The following TRPC7 variants were observed in gnomAD, a reference collection of about 807,000 sequenced individuals.
TRPC7 encodes the protein transient receptor potential cation channel subfamily C member 7.
In TRPC7, 42 loss-of-function variants were observed where a neutral mutation model predicts 90.1. The observed-to-expected ratio is 0.47, with a 90% CI of 0.36 to 0.60. The LOEUF (loss-of-function observed/expected upper bound fraction) is 0.60, where lower values mean the gene tolerates loss of function less well. Among genes scored for constraint, TRPC7 ranks in the 20% least tolerant of loss-of-function variants. The pLI is 0.00. For missense variants in TRPC7, 955 were observed against 1,112.3 expected, an observed-to-expected ratio of 0.86 and a Z score of 2.01; for synonymous variants, 451 against 436.3, an observed-to-expected ratio of 1.03 and a Z score of -0.42.
At chr5:136,315,507 G>T in intron 3 of TRPC7, 90 bp downstream of exon 3, 1 of 1,397,808 alleles carries the variant, frequency 7.2e-7, no homozygotes, top group Non-Finnish European at 9.8e-7. Context: ...CACCCTGTGG[G>T]AACATAAAAT....
At chr5:136,342,432 G>A (rs1759873216) in intron 2 of TRPC7, among the ~76,000 whole-genome samples, 1 of 152,172 alleles carries the variant, frequency 6.6e-6, no homozygotes, top group Non-Finnish European at 1.5e-5. Context: ...GATCTTCACT[G>A]ACCCCTGAGA....
intron 4 of TRPC7, 31 bp downstream of exon 4, chr5:136,274,642 G>A (rs773557709): frequency 9.7e-6 from 15 of 1,552,192 alleles, no homozygotes; most frequent in Admixed American, 8.0e-5. Context: ...AGAAATAACC[G>A]CAAACGACAT....
chr5:136,308,813 G>T (rs750647911), intron 3 of TRPC7, among the ~76,000 whole-genome samples: 3 of 152,204 alleles, frequency 2.0e-5, no homozygotes, highest in Admixed American at 6.5e-5. Flanking sequence ...CCAGCAGACT[G>T]AGAAACTTAT....
At chr5:136,274,903 C>G in intron 3 of TRPC7, 66 bp from the exon 4 acceptor site, 1 of 1,503,932 alleles carries the variant, frequency 6.6e-7, no homozygotes, top group Admixed American at 2.1e-5. Flanking sequence ...AGCACTTGAA[C>G]AGTATACAAC....
At chr5:136,297,689 C>G (rs1758229713) in intron 3 of TRPC7, among the ~76,000 whole-genome samples, 1 of 151,926 alleles carries the variant, frequency 6.6e-6, no homozygotes, top group South Asian at 2.1e-4. Flanking sequence ...ATGTAAATGA[C>G]TTCTTTTTAG....
intron 3 of TRPC7, among the ~76,000 whole-genome samples, chr5:136,295,572 C>T (rs1017100215): frequency 1.3e-5 from 2 of 152,130 alleles, no homozygotes; most frequent in African/African-American, 4.8e-5. Context: ...CACTGTGGCC[C>T]AGGCCTCCTC....
At chr5:136,300,689 G>T (rs1388649472) in intron 3 of TRPC7, among the ~76,000 whole-genome samples, 1 of 152,214 alleles carries the variant, frequency 6.6e-6, no homozygotes, top group Non-Finnish European at 1.5e-5. Context: ...GAAGGACATG[G>T]AGATGATAGC....
At chr5:136,355,769 G>T (rs1002725616) in intron 2 of TRPC7, among the ~76,000 whole-genome samples, 4 of 152,176 alleles carry the variant, frequency 2.6e-5, no homozygotes, top group Admixed American at 6.5e-5. Flanking sequence ...CTGCACTCTA[G>T]CCTGGGTGAC....
At chr5:136,297,659 T>A (rs1306064332) in intron 3 of TRPC7, among the ~76,000 whole-genome samples, 1 of 152,176 alleles carries the variant, frequency 6.6e-6, no homozygotes, top group Non-Finnish European at 1.5e-5. Flanking sequence ...AATAATTTTA[T>A]TAATTAAACT....
chr5:136,253,333 G>A (rs908089330), intron 5 of TRPC7, among the ~76,000 whole-genome samples: 4 of 151,590 alleles, frequency 2.6e-5, no homozygotes, highest in African/African-American at 9.7e-5. Context: ...TTAAATTACC[G>A]GCATACCTTG....
chr5:136,307,015 A>G (rs1846575), intron 3 of TRPC7, among the ~76,000 whole-genome samples: 105,175 of 152,086 alleles, frequency 0.69, 36,711 homozygotes, highest in African/African-American at 0.78. Flanking sequence ...TCACACGGAC[A>G]TGCATGAAAA....
At chr5:136,234,037 C>T (rs763306903) in intron 7 of TRPC7, among the ~76,000 whole-genome samples, 13 of 152,194 alleles carry the variant, frequency 8.5e-5, no homozygotes, top group Non-Finnish European at 1.8e-4. Context: ...ACCTGACCCC[C>T]GCAGCTCAGG....
At chr5:136,347,006 C>T (rs907189377) in intron 2 of TRPC7, among the ~76,000 whole-genome samples, 1 of 152,208 alleles carries the variant, frequency 6.6e-6, no homozygotes, top group Non-Finnish European at 1.5e-5. Context: ...TAGAAACACA[C>T]AGCAAGAATC....
chr5:136,218,497 A>G (rs1316210611), intron 10 of TRPC7, among the ~76,000 whole-genome samples: 4 of 152,196 alleles, frequency 2.6e-5, no homozygotes, highest in East Asian at 3.8e-4. Flanking sequence ...TCTGGATCCA[A>G]CAATTAAAGA....
intron 2 of TRPC7, among the ~76,000 whole-genome samples, chr5:136,352,469 TA>T (rs750879245): frequency 2.0e-5 from 3 of 151,992 alleles, no homozygotes; most frequent in Non-Finnish European, 2.9e-5. Flanking sequence ...AATTTTATCA[TA>T]AAGATGATCA....
chr5:136,334,821 A>G lies in TRPC7; in HGVS notation c.781-19042T>C, dbSNP rs573958411. On this transcript the variant is annotated intron_variant, in intron 2 of 11. Coordinates refer to ENST00000513104, the MANE Select transcript of TRPC7 (RefSeq NM_020389.3). ...TTATAAGGAAGCTGAGGAACAAGTA[A>G]GTGCTAGCATGTGGCTACCAGGGAA... 2.0e-5 allele frequency among the ~76,000 whole-genome samples: 3 copies of G among 152,342 alleles called. No homozygotes were observed. The South Asian group carries it at 6.2e-4, about 32-fold the overall frequency.
Position 136,214,416 on chromosome 5 carries a change from T to G in TRPC7, c.2420-812A>C, listed in dbSNP as rs1253770882. Reference sequence around the variant, plus strand: ...TGTCTGTGGAAACATTACTCGTCTATTTTTCAGGTATGGTCTATACACATA... The same window carrying G: ...TGTCTGTGGAAACATTACTCGTCTAGTTTTCAGGTATGGTCTATACACATA... On this transcript the variant is annotated intron_variant, in intron 11 of 11. Transcript: ENST00000513104. The G allele has an allele frequency of 2.0e-5, 3 of 152,320 alleles. No homozygotes were observed. In the East Asian group the frequency reaches 5.8e-4, roughly 29 times the overall value. 9.4% of individuals were successfully genotyped at this position (152,320 alleles called of 1,614,324 possible). A position where few individuals can be genotyped will look rare whatever the true frequency, so the allele number is the denominator to read the frequency against.
At chr5:136,305,748 G>A (rs1451183017) in intron 3 of TRPC7, among the ~76,000 whole-genome samples, 1 of 152,162 alleles carries the variant, frequency 6.6e-6, no homozygotes, top group Admixed American at 6.5e-5. Flanking sequence ...CAGCCAAGCA[G>A]TTTTTCAGGC....
intron 4 of TRPC7, 67 bp downstream of exon 4, chr5:136,274,606 A>G (rs1197797494): frequency 7.2e-7 from 1 of 1,387,114 alleles, no homozygotes; most frequent in Non-Finnish European, 9.4e-7. Flanking sequence ...AACAAAATGG[A>G]TTTCAGATCA....
Sources: allele counts gnomAD v4.1 joint callset (sites outside exome capture counted in the v4.1 genomes callset), GRCh38; gene constraint gnomAD v4.1.1; transcripts MANE v1.5; gene names NCBI Gene and HGNC (gene_info 2026-07-23, HGNC 2026-07-21).